ABHD2: variants seen among roughly 807,000 people sequenced by gnomAD.
The protein encoded by ABHD2 is monoacylglycerol lipase ABHD2.
In ABHD2, 20 loss-of-function variants were observed where a neutral mutation model predicts 48.1. The ratio of observed to expected loss-of-function variants is 0.42; its 90% CI spans 0.29 to 0.60. The LOEUF is 0.60. Among genes scored for constraint, ABHD2 ranks in the 20% least tolerant of loss-of-function variants. ABHD2 has a pLI of 0.24. For synonymous variants in ABHD2, 209 were observed against 214.2 expected (o/e 0.98, Z 0.21); for missense variants, 405 against 550.9 (o/e 0.74, Z 2.65).
chr15:89,069,122 C>CTTTTTTTTTTTTTTTT, the ABHD2 span, among the ~76,000 whole-genome samples: 1 of 124,904 alleles, frequency 8.0e-6, no homozygotes, highest in Non-Finnish European at 1.6e-5. Context: ...CTTTTCTTTT[C>CTTTTTTTTTTTTTTTT]TTTTTTTTTT....
the ABHD2 span, among the ~76,000 whole-genome samples, chr15:89,046,929 CT>C: frequency 9.2e-5 from 14 of 151,826 alleles, no homozygotes; most frequent in African/African-American, 3.4e-4. Context: ...TATTTCTTGC[CT>C]TCTGCTAGCT....
Position 89,175,113 on chromosome 15 carries a change from C to T in ABHD2, c.539-699C>T, listed in dbSNP as rs1246763101. On this transcript the variant is annotated intron_variant, in intron 5 of 10. Transcript: ENST00000352732. This position sits in a 1 kb window ranked among gnomAD's most constrained non-coding sequence, Gnocchi z 5.7. ...AAGAAGATTCTGTAAATAACATCCA[C>T]TTGCTACTTTTCTTAACACCATGAA... Among the ~76,000 whole-genome samples, 2 of 152,242 alleles carry T rather than the reference C, an allele frequency of 1.3e-5. No individual in the cohort carries two copies. The highest frequency in any genetic ancestry group is 4.8e-5 in the African/African-American group (2 of 41,468).
intron 1 of ABHD2, among the ~76,000 whole-genome samples, chr15:89,107,608 A>G (rs572137015): frequency 1.7e-3 from 257 of 152,300 alleles, no homozygotes; most frequent in Admixed American, 4.2e-3. Flanking sequence ...CTCTTTATGT[A>G]TTAACATGTT....
intron 3 of ABHD2, among the ~76,000 whole-genome samples, chr15:89,143,557 C>T (rs1471627202): frequency 6.6e-6 from 1 of 152,082 alleles, no homozygotes; most frequent in African/African-American, 2.4e-5. Flanking sequence ...ATCCCAGCTA[C>T]ATGGGAGGCT....
At chr15:89,047,400 A>C in the ABHD2 span, among the ~76,000 whole-genome samples, 1 of 152,120 alleles carries the variant, frequency 6.6e-6, no homozygotes, top group South Asian at 2.1e-4. Context: ...AGTTCTGTAG[A>C]TATCTATTAG....
At chr15:89,084,319 A>T (rs1901321552), upstream of ABHD2, among the ~76,000 whole-genome samples, 1 of 151,982 alleles carries the variant, frequency 6.6e-6, no homozygotes, top group African/African-American at 2.4e-5. This position sits in a 1 kb window ranked among gnomAD's most constrained non-coding sequence, Gnocchi z 4.4. Flanking sequence ...ATTTATTTAG[A>T]GACAGAGTCT....
rs1044166 is a variant in ABHD2, at chr15:89,201,749, G to A, written c.*6326G>A. 6.4e-7 allele frequency: 1 copy of A among 1,560,914 alleles called. No homozygotes were observed. On this transcript the variant is annotated 3_prime_UTR_variant, in exon 11 of 11. Transcript: ENST00000352732. ...CTTTGAATTTGAGGTCTATGGGCGGGTCGAGGACCAGGATCTGCTCGTGCT... is the reference window on the plus strand; with the variant it reads ...CTTTGAATTTGAGGTCTATGGGCGGATCGAGGACCAGGATCTGCTCGTGCT...
At chr15:89,126,371 A>G (rs907382335) in intron 3 of ABHD2, among the ~76,000 whole-genome samples, 9 of 152,166 alleles carry the variant, frequency 5.9e-5, no homozygotes, top group African/African-American at 2.2e-4. Context: ...AATCAGATCT[A>G]CTTTTATACT....
intron 3 of ABHD2, among the ~76,000 whole-genome samples, chr15:89,136,785 T>G (rs2050320777): frequency 6.6e-6 from 1 of 152,248 alleles, no homozygotes; most frequent in South Asian, 2.1e-4. Context: ...AATGTGATTT[T>G]CCAGCTCTAA....
intron 3 of ABHD2, among the ~76,000 whole-genome samples, chr15:89,123,845 C>T (rs918861644): frequency 1.3e-5 from 2 of 152,042 alleles, no homozygotes; most frequent in African/African-American, 4.8e-5. Flanking sequence ...CCTGGGCTAG[C>T]GATCCTCCAG....
chr15:89,053,115 T>C, the ABHD2 span, among the ~76,000 whole-genome samples: 1 of 151,966 alleles, frequency 6.6e-6, no homozygotes, highest in South Asian at 2.1e-4. Flanking sequence ...TACAGGCACG[T>C]GCCACCACGC....
At chr15:89,171,310 C>T (rs1176941087) in intron 5 of ABHD2, among the ~76,000 whole-genome samples, 1 of 152,096 alleles carries the variant, frequency 6.6e-6, no homozygotes, top group Non-Finnish European at 1.5e-5. Flanking sequence ...CCTTGAGTTT[C>T]TGATTCCGTG....
chr15:89,180,666 C>T (rs1020743043), intron 6 of ABHD2, among the ~76,000 whole-genome samples: 1 of 152,172 alleles, frequency 6.6e-6, no homozygotes, highest in African/African-American at 2.4e-5. Flanking sequence ...CTCCCAGAGG[C>T]CCGGCTGTGC....
chr15:89,081,040 C>T, the ABHD2 span, among the ~76,000 whole-genome samples: 1 of 151,456 alleles, frequency 6.6e-6, no homozygotes, highest in Admixed American at 6.6e-5. Context: ...CACTCTGTCT[C>T]CCTGGCTGGA....
the ABHD2 span, among the ~76,000 whole-genome samples, chr15:89,069,063 T>C: frequency 1.3e-5 from 2 of 151,440 alleles, no homozygotes; most frequent in African/African-American, 4.9e-5. Context: ...GGACAGAAGA[T>C]ATTGGTATGT....
At chr15:89,112,175 G>A (rs532999900) in intron 1 of ABHD2, among the ~76,000 whole-genome samples, 4 of 152,246 alleles carry the variant, frequency 2.6e-5, no homozygotes, top group East Asian at 1.9e-4. Context: ...GGTCTGAAGC[G>A]GGGCAGCCCT....
At chr15:89,122,234 A>G (rs1228390176) in intron 3 of ABHD2, among the ~76,000 whole-genome samples, 1 of 152,212 alleles carries the variant, frequency 6.6e-6, no homozygotes, top group African/African-American at 2.4e-5. Flanking sequence ...TCCCCAACAT[A>G]TAACTTCTGT....
At chr15:89,096,902 T>C (rs1289505185) in intron 1 of ABHD2, among the ~76,000 whole-genome samples, 1 of 152,206 alleles carries the variant, frequency 6.6e-6, no homozygotes, top group Non-Finnish European at 1.5e-5. Flanking sequence ...GAGTGAGTGA[T>C]AAAGGTTTCT....
intron 5 of ABHD2, among the ~76,000 whole-genome samples, chr15:89,161,153 G>C (rs1392250289): frequency 6.6e-6 from 1 of 152,080 alleles, no homozygotes; most frequent in Non-Finnish European, 1.5e-5. Flanking sequence ...GGAGTCTAAG[G>C]TATAGCCAAG....
Sources: allele counts gnomAD v4.1 joint callset (sites outside exome capture counted in the v4.1 genomes callset), GRCh38; gene constraint gnomAD v4.1.1; non-coding constraint Gnocchi (gnomAD v3.1); transcripts MANE v1.5; gene names NCBI Gene and HGNC (gene_info 2026-07-23, HGNC 2026-07-21).